Variants in VKORC1L1 observed in about 807,000 individuals in gnomAD.
The protein encoded by VKORC1L1 is vitamin K epoxide reductase complex subunit 1-like protein 1.
A neutral mutation model predicts 18.9 loss-of-function variants in VKORC1L1; 2 were observed. The observed-to-expected ratio is 0.11, with a 90% CI of 0.04 to 0.33. The LOEUF is 0.33. Ranked by LOEUF, VKORC1L1 falls within the 10% of genes least tolerant of loss-of-function variation. VKORC1L1 has a pLI of 1.00. For missense variants in VKORC1L1, 123 were observed against 224.1 expected (o/e 0.55, Z 2.88); for synonymous variants, 96 against 100.0 (o/e 0.96, Z 0.24).
At chr7:65,937,594 G>T (rs1052110068) in intron 1 of VKORC1L1, among the ~76,000 whole-genome samples, 1 of 151,984 alleles carries the variant, frequency 6.6e-6, no homozygotes, top group African/African-American at 2.4e-5. Context: ...GTTTGTTTCG[G>T]TAGAGTCAGG....
intron 1 of VKORC1L1, among the ~76,000 whole-genome samples, chr7:65,879,605 C>G (rs1186907872): frequency 1.3e-5 from 2 of 152,064 alleles, no homozygotes; most frequent in East Asian, 1.9e-4. Flanking sequence ...GATTCTAACC[C>G]AGGCAGTCTG....
chr7:65,920,956 A>T (rs183192147), intron 1 of VKORC1L1, among the ~76,000 whole-genome samples: 73 of 152,084 alleles, frequency 4.8e-4, no homozygotes, highest in African/African-American at 1.7e-3. Context: ...AAAGTTAAAT[A>T]TGGGTCTTTC....
intron 2 of VKORC1L1, among the ~76,000 whole-genome samples, chr7:65,951,182 A>G (rs1033407215): frequency 6.6e-6 from 1 of 152,232 alleles, no homozygotes; most frequent in Non-Finnish European, 1.5e-5. Flanking sequence ...CTAACCTAGC[A>G]ATTTCCAGAG....
At chr7:65,896,092 G>A (rs944220786) in intron 1 of VKORC1L1, among the ~76,000 whole-genome samples, 23 of 148,284 alleles carry the variant, frequency 1.6e-4, no homozygotes, top group African/African-American at 5.2e-4. Context: ...TAGTAGAGCC[G>A]GGGGTTTCAC....
At chr7:65,915,785 A>T (rs1213995966) in intron 1 of VKORC1L1, among the ~76,000 whole-genome samples, 1 of 152,040 alleles carries the variant, frequency 6.6e-6, no homozygotes, top group African/African-American at 2.4e-5. Context: ...CTATTCCATC[A>T]TTCATTCTTC....
intron 1 of VKORC1L1, among the ~76,000 whole-genome samples, chr7:65,894,723 G>A (rs535119295): frequency 1.9e-4 from 29 of 151,970 alleles, no homozygotes; most frequent in Non-Finnish European, 3.1e-4. Flanking sequence ...GCGAGACTCC[G>A]TCTCAAAAAG....
At chr7:65,891,017 C>A (rs1166951636) in intron 1 of VKORC1L1, among the ~76,000 whole-genome samples, 1 of 151,798 alleles carries the variant, frequency 6.6e-6, no homozygotes, top group African/African-American at 2.4e-5. Context: ...ACTATACATG[C>A]GTTTGGCCTG....
chr7:65,933,082 A>G (rs1271385163), intron 1 of VKORC1L1, among the ~76,000 whole-genome samples: 1 of 145,440 alleles, frequency 6.9e-6, no homozygotes, highest in Non-Finnish European at 1.5e-5. Context: ...CGTCTCAAAA[A>G]AAAAAAAAAA....
rs929443136 is a variant in VKORC1L1, at chr7:65,956,185, A to G, written c.*1885A>G. On this transcript the variant is annotated 3_prime_UTR_variant, in exon 3 of 3. Transcript: ENST00000360768. Reference sequence around the variant, plus strand: ...CTGATTGGCCATCTGGTGTCTATGGAGAAAGAAGTCCTCACGTTTGAGGGC... The same window carrying G: ...CTGATTGGCCATCTGGTGTCTATGGGGAAAGAAGTCCTCACGTTTGAGGGC... 6.6e-6 allele frequency: 1 copy of G among 152,198 alleles called. No individual in the cohort carries two copies. Among genetic ancestry groups the G allele is most frequent in the Non-Finnish European group, 1.5e-5 (1 of 68,046 alleles). 9.4% of individuals were successfully genotyped at this position (152,198 alleles called of 1,614,324 possible). A position where few individuals can be genotyped will look rare whatever the true frequency, so the allele number is the denominator to read the frequency against.
intron 1 of VKORC1L1, among the ~76,000 whole-genome samples, chr7:65,944,312 T>C (rs980569239): frequency 4.6e-5 from 7 of 152,088 alleles, no homozygotes; most frequent in African/African-American, 1.7e-4. Flanking sequence ...GAGGTTGCAG[T>C]GAGCCGAGAT....
At chr7:65,949,207 C>T (rs1039238346) in intron 2 of VKORC1L1, among the ~76,000 whole-genome samples, 6 of 151,946 alleles carry the variant, frequency 3.9e-5, no homozygotes, top group Non-Finnish European at 5.9e-5. Flanking sequence ...GGGCTGGGTG[C>T]GGTGGTGCAC....
chr7:65,915,092 TC>T (rs1789564740), intron 1 of VKORC1L1, among the ~76,000 whole-genome samples: 4 of 138,614 alleles, frequency 2.9e-5, no homozygotes, highest in African/African-American at 5.1e-5. Context: ...CTTTTTTTTT[TC>T]TTTTTTTTTT....
At chr7:65,945,402 C>A (rs1190719722) in intron 1 of VKORC1L1, among the ~76,000 whole-genome samples, 2 of 151,838 alleles carry the variant, frequency 1.3e-5, no homozygotes, top group African/African-American at 2.4e-5. Context: ...ACGAGGTCAG[C>A]AGATCGAGAC....
chr7:65,888,067 G>T (rs188074924), intron 1 of VKORC1L1, among the ~76,000 whole-genome samples: 1 of 152,304 alleles, frequency 6.6e-6, no homozygotes, highest in Admixed American at 6.5e-5. Context: ...TTTCTGAGAA[G>T]TAGGTAAACC....
intron 1 of VKORC1L1, among the ~76,000 whole-genome samples, chr7:65,946,252 T>C (rs907785820): frequency 8.1e-5 from 12 of 148,354 alleles, no homozygotes; most frequent in African/African-American, 2.7e-4. Flanking sequence ...AGCTCATTCC[T>C]ACCTCAAGGC....
In VKORC1L1 at chr7:65,873,155, C is replaced by G. The variant is rs1290382962; in HGVS notation, c.-217C>G. ...CGCGCCCGCGCGCGCCTTCCCCGCC[C>G]CGTCCGCCTCACTCCTTTTGGGGCG... On this transcript the variant is annotated 5_prime_UTR_variant, in exon 1 of 3. Coordinates refer to ENST00000360768, the MANE Select transcript of VKORC1L1 (RefSeq NM_173517.6). 14 of 471,534 alleles carry G rather than the reference C, an allele frequency of 3.0e-5. No individual in the cohort carries two copies. Among genetic ancestry groups the G allele is most frequent in the South Asian group, 1.7e-4 (2 of 11,992 alleles). 29.2% of individuals were successfully genotyped at this position (471,534 alleles called of 1,614,324 possible). A position where few individuals can be genotyped will look rare whatever the true frequency, so the allele number is the denominator to read the frequency against.
At position 65,954,711 on chromosome 7, in the gene VKORC1L1, T is replaced by C. The variant is rs1790267066; in HGVS notation, c.*411T>C. On this transcript the variant is annotated 3_prime_UTR_variant, in exon 3 of 3. Transcript: ENST00000360768. ...CTAGAATAGATACTGTATTAAATAT[T>C]GCCATGTTTACAATATGTAATATGT... The C allele has an allele frequency of 5.0e-6, 1 of 200,222 alleles. No homozygotes were observed. Among genetic ancestry groups the C allele is most frequent in the Non-Finnish European group, 1.0e-5 (1 of 99,424 alleles). 12.4% of individuals were successfully genotyped at this position (200,222 alleles called of 1,614,324 possible).
Position 65,927,162 on chromosome 7 carries a change from C to T in VKORC1L1, c.195-21509C>T, listed in dbSNP as rs372590480. Among the ~76,000 whole-genome samples, 4 of 152,222 alleles carry T rather than the reference C, an allele frequency of 2.6e-5. No individual in the cohort carries two copies. The East Asian group carries it at 7.7e-4, about 29-fold the overall frequency. Reference sequence around the variant, plus strand: ...AATTGCTGGGCATAGTAGTGGGTGCCTGTAGTCCCAGCTACTTGGGAGGCT... The same window carrying T: ...AATTGCTGGGCATAGTAGTGGGTGCTTGTAGTCCCAGCTACTTGGGAGGCT... On this transcript the variant is annotated intron_variant, in intron 1 of 2. Coordinates refer to ENST00000360768, the MANE Select transcript of VKORC1L1 (RefSeq NM_173517.6).
intron 1 of VKORC1L1, among the ~76,000 whole-genome samples, chr7:65,875,031 T>C (rs1788802556): frequency 6.6e-6 from 1 of 152,204 alleles, no homozygotes; most frequent in Non-Finnish European, 1.5e-5. Context: ...ATGTTGTGAC[T>C]GAAAGTGATG....
Sources: gnomAD v4.1 joint callset for allele counts (sites outside exome capture counted in the v4.1 genomes callset) on GRCh38, gnomAD v4.1.1 for gene constraint, MANE v1.5 for transcripts, NCBI Gene and HGNC (gene_info 2026-07-23, HGNC 2026-07-21) for gene names.